Variants in MAN1C1 observed in about 807,000 individuals in gnomAD.
The protein encoded by MAN1C1 is mannosidase alpha class 1C member 1, also known as mannosyl-oligosaccharide 1,2-alpha-mannosidase IC.
A neutral mutation model predicts 71.5 loss-of-function variants in MAN1C1; 49 were observed. The observed-to-expected ratio is 0.69, with a 90% confidence interval of 0.54 to 0.87. MAN1C1 has a LOEUF of 0.87. Among genes scored for constraint, MAN1C1 ranks in the 40% least tolerant of loss-of-function variants. MAN1C1 has a pLI of 0.00. For missense variants in MAN1C1, 743 were observed against 835.0 expected (o/e 0.89, Z 1.36); for synonymous variants, 352 against 343.7 (o/e 1.02, Z -0.27).
chr1:25,746,918 A>T lies in MAN1C1; in HGVS notation c.753+135A>T. ...GGCTGCACAGCCCAGCAGTCTCGGA[A>T]CCGGAGCTGCCGTGCAGTCTGTGCT... On this transcript the variant is annotated intron_variant, in intron 3 of 11. Coordinates refer to ENST00000374332, the MANE Select transcript of MAN1C1 (RefSeq NM_020379.4). This position sits in a 1 kb window ranked among gnomAD's most constrained non-coding sequence, Gnocchi z 4.0. 1 of 649,100 alleles carries T rather than the reference A, an allele frequency of 1.5e-6. No homozygotes were observed. Among genetic ancestry groups the T allele is most frequent in the East Asian group, 2.7e-5 (1 of 36,490 alleles). The allele number at this position is 649,100 out of a possible 1,614,324, so 40.2% of individuals were successfully genotyped here.
Position 25,686,427 on chromosome 1 carries a change from C to T in MAN1C1, c.541-13C>T, listed in dbSNP as rs2046231899. On this transcript the variant is annotated splice_polypyrimidine_tract_variant and intron_variant, in intron 1 of 11. Transcript: ENST00000374332. ...TCACACTGAGGTTCTCTCTATGCTG[C>T]TTTTTCTTGCAGATGATGCAGTTTG... 13 of 1,612,832 alleles carry T rather than the reference C, an allele frequency of 8.1e-6. No homozygotes were observed. Among genetic ancestry groups the T allele is most frequent in the Non-Finnish European group, 1.0e-5 (12 of 1,178,960 alleles).
chr1:25,639,320 C>T (rs1168426541), intron 1 of MAN1C1, among the ~76,000 whole-genome samples: 1 of 152,188 alleles, frequency 6.6e-6, no homozygotes, highest in African/African-American at 2.4e-5. Context: ...CTATTTCCAA[C>T]ATCTTTGTCA....
In MAN1C1 at chr1:25,655,267, G is replaced by T. The variant is rs527315178; in HGVS notation, c.541-31173G>T. Among the ~76,000 whole-genome samples the T allele has an allele frequency of 2.8e-4, 42 of 152,278 alleles. No homozygotes were observed. In the East Asian group the frequency reaches 7.1e-3, roughly 26 times the overall value. Reference sequence around the variant, plus strand: ...TAAAACTCGATCTCCAAGCTCCCTTGCTGCAGCCTCTCACTCAGCTCCTGG... The same window carrying T: ...TAAAACTCGATCTCCAAGCTCCCTTTCTGCAGCCTCTCACTCAGCTCCTGG... On this transcript the variant is annotated intron_variant, in intron 1 of 11. Coordinates refer to ENST00000374332, the MANE Select transcript of MAN1C1 (RefSeq NM_020379.4).
chr1:25,755,106 G>A (rs1437545316), intron 5 of MAN1C1, among the ~76,000 whole-genome samples: 1 of 152,148 alleles, frequency 6.6e-6, no homozygotes, highest in African/African-American at 2.4e-5. Flanking sequence ...GGAAGAACGT[G>A]GGCCCTTCAG....
At chr1:25,721,910 T>C (rs1033067792) in intron 2 of MAN1C1, among the ~76,000 whole-genome samples, 3 of 152,218 alleles carry the variant, frequency 2.0e-5, no homozygotes, top group African/African-American at 7.2e-5. Flanking sequence ...CCATCCCCTA[T>C]TTGCTGGTTC....
At chr1:25,741,100 A>T (rs2047057933) in intron 2 of MAN1C1, among the ~76,000 whole-genome samples, 1 of 151,948 alleles carries the variant, frequency 6.6e-6, no homozygotes. Context: ...AGACAGTGAA[A>T]CATGCGATGC....
intron 1 of MAN1C1, among the ~76,000 whole-genome samples, chr1:25,657,157 G>T (rs919443520): frequency 1.3e-5 from 2 of 152,186 alleles, no homozygotes; most frequent in African/African-American, 2.4e-5. Context: ...CAGGGGAAAG[G>T]TCTCCTGCCT....
intron 2 of MAN1C1, among the ~76,000 whole-genome samples, chr1:25,724,115 G>A (rs1162230289): frequency 3.4e-5 from 5 of 147,224 alleles, no homozygotes; most frequent in Non-Finnish European, 5.9e-5. Flanking sequence ...TGCAACCTCC[G>A]CCTCCCGGGT....
chr1:25,722,435 C>G (rs1393437392), intron 2 of MAN1C1, among the ~76,000 whole-genome samples: 1 of 152,170 alleles, frequency 6.6e-6, no homozygotes, highest in African/African-American at 2.4e-5. Flanking sequence ...TCCAATTTAT[C>G]TTCTGTTTTC....
intron 2 of MAN1C1, among the ~76,000 whole-genome samples, chr1:25,713,608 C>G (rs577169485): frequency 6.6e-6 from 1 of 152,274 alleles, no homozygotes; most frequent in African/African-American, 2.4e-5. Flanking sequence ...GCTGTCTAAC[C>G]CGAGACATGG....
At chr1:25,763,794 T>G (rs807269) in intron 6 of MAN1C1, 80 bp from the exon 7 acceptor site, 93,887 of 1,128,144 alleles carry the variant, frequency 0.083, 5,898 homozygotes, top group African/African-American at 0.29. Flanking sequence ...CTGAACCAGC[T>G]GCCTCCCATC....
intron 7 of MAN1C1, among the ~76,000 whole-genome samples, chr1:25,767,532 C>T (rs1204209130): frequency 1.8e-4 from 25 of 135,588 alleles, no homozygotes; most frequent in African/African-American, 6.8e-4. Context: ...ACATACACTC[C>T]TACACACACT....
intron 2 of MAN1C1, among the ~76,000 whole-genome samples, chr1:25,739,623 G>T (rs2047031621): frequency 6.6e-6 from 1 of 152,184 alleles, no homozygotes; most frequent in South Asian, 2.1e-4. Context: ...GAGGCAGGCT[G>T]GTTCCTGGCT....
Position 25,781,086 on chromosome 1 carries a change from A to G in MAN1C1, c.1624A>G (p.Arg542Gly), listed in dbSNP as rs1054975304. 1 of 1,613,956 alleles carries G rather than the reference A, an allele frequency of 6.2e-7. No homozygotes were observed. The highest frequency in any genetic ancestry group is 1.1e-5 in the South Asian group (1 of 91,070). ...LWRQTHNPIY[R>G]EWGWEVVLAL... ...GCGACAGACCCACAACCCCATCTAC[A>G]GGGAGTGGGGCTGGGAGGTGGTGCT... is the stretch of plus-strand genomic sequence containing the variant. Residue 542 changes from arginine to glycine, a missense_variant, in exon 10 of 12, where the codon AGG (arginine) becomes GGG (glycine). Arg to Gly is a moderately radical substitution (Grantham distance 125). Coordinates refer to ENST00000374332, the MANE Select transcript of MAN1C1 (RefSeq NM_020379.4).
chr1:25,618,423 C>A, intron 1 of MAN1C1, 86 bp downstream of exon 1: 1 of 1,324,626 alleles, frequency 7.5e-7, no homozygotes, highest in Non-Finnish European at 1.0e-6. Flanking sequence ...CTTTCCCTTG[C>A]CTCAGTCACT....
chr1:25,749,382 C>T, intron 4 of MAN1C1, 47 bp downstream of exon 4: 8 of 1,468,198 alleles, frequency 5.4e-6, no homozygotes, highest in Non-Finnish European at 5.7e-6. Flanking sequence ...CTGGAAAGGG[C>T]TTTGGAGAAT....
intron 2 of MAN1C1, among the ~76,000 whole-genome samples, chr1:25,692,559 A>G (rs927954694): frequency 7.2e-5 from 11 of 152,152 alleles, no homozygotes; most frequent in Non-Finnish European, 1.6e-4. Flanking sequence ...TATAAAATCT[A>G]AATTACCCAT....
intron 6 of MAN1C1, chr1:25,759,574 G>T (rs2047334296): frequency 6.6e-6 from 1 of 152,162 alleles, no homozygotes; most frequent in South Asian, 2.1e-4. Flanking sequence ...ACGGCTCCCA[G>T]CAGGCAACTG....
chr1:25,668,788 GA>G (rs1192595901), intron 1 of MAN1C1, among the ~76,000 whole-genome samples: 1 of 152,020 alleles, frequency 6.6e-6, no homozygotes, highest in African/African-American at 2.4e-5. Flanking sequence ...TCCATCTCCT[GA>G]CCTCGTGATC....
Sources: gnomAD v4.1 joint callset for allele counts (sites outside exome capture counted in the v4.1 genomes callset) on GRCh38, gnomAD v4.1.1 for gene constraint, Gnocchi (gnomAD v3.1) non-coding constraint, MANE v1.5 for transcripts, NCBI Gene and HGNC (gene_info 2026-07-23, HGNC 2026-07-21) for gene names.